The following NSUN2 variants were observed in gnomAD, a reference collection of about 807,000 sequenced individuals.
The protein encoded by NSUN2 is NOP2/Sun RNA methyltransferase 2.
In NSUN2, 63 loss-of-function variants were observed where a neutral mutation model predicts 92.7. The observed-to-expected ratio is 0.68, with a 90% CI of 0.56 to 0.84. The LOEUF is 0.84. Among genes scored for constraint, NSUN2 ranks in the 40% least tolerant of loss-of-function variants. The pLI, the probability that NSUN2 is intolerant of heterozygous loss-of-function variation, is 0.00. For missense variants in NSUN2, 989 were observed against 964.9 expected, an observed-to-expected ratio of 1.02 and a Z score of -0.33; for synonymous variants, 356 against 348.3, an observed-to-expected ratio of 1.02 and a Z score of -0.25.
chr5:6,599,776 G>A lies in NSUN2; in HGVS notation c.*150C>T. The A allele has an allele frequency of 2.9e-6, 2 of 689,892 alleles. No individual in the cohort carries two copies. Among genetic ancestry groups the A allele is most frequent in the Non-Finnish European group, 5.0e-6 (2 of 396,074 alleles). 42.7% of individuals were successfully genotyped at this position (689,892 alleles called of 1,614,324 possible). A position where few individuals can be genotyped will look rare whatever the true frequency, so the allele number is the denominator to read the frequency against. On this transcript the variant is annotated 3_prime_UTR_variant, in exon 19 of 19. Coordinates refer to ENST00000264670, the MANE Select transcript of NSUN2 (RefSeq NM_017755.6). ...CAAAGAAAGCAGTCCTGGTCATTCA[G>A]AAGGCTCCTATGATCCCACCAGTCT...
At chr5:6,630,950 C>A (rs1737860731) in intron 3 of NSUN2, among the ~76,000 whole-genome samples, 1 of 152,052 alleles carries the variant, frequency 6.6e-6, no homozygotes, top group East Asian at 1.9e-4. Context: ...AAAAATTGGC[C>A]GGGCGTGGTG....
chr5:6,629,413 G>A (rs536566774), intron 3 of NSUN2, among the ~76,000 whole-genome samples: 1 of 152,340 alleles, frequency 6.6e-6, no homozygotes, highest in Non-Finnish European at 1.5e-5. Flanking sequence ...GGAGCCTGCA[G>A]AAGAAAATGC....
At chr5:6,610,030 C>T (rs1269103894) in intron 11 of NSUN2, 108 bp from the exon 12 acceptor site, 8 of 761,334 alleles carry the variant, frequency 1.1e-5, no homozygotes, top group Non-Finnish European at 1.6e-5. Context: ...ATGTCTTCGA[C>T]CCTCACTCAT....
In NSUN2 at chr5:6,630,826, G is replaced by A. The variant is rs138265422; in HGVS notation, c.359+1047C>T. Among the ~76,000 whole-genome samples the A allele has an allele frequency of 5.5e-3, 841 of 152,308 alleles. 6 individuals are homozygous for A. Among genetic ancestry groups the A allele is most frequent in the African/African-American group, 0.018 (761 of 41,564 alleles). On this transcript the variant is annotated intron_variant, in intron 3 of 18. Coordinates refer to ENST00000264670, the MANE Select transcript of NSUN2 (RefSeq NM_017755.6). The stretch of plus-strand genomic sequence containing the variant: ...AACGCTTAATTTGGCAGGGCGCAGT[G>A]GCTCACGCCTGTAATCCCAGCACTT...
chr5:6,632,815 C>T (rs1053659149), intron 1 of NSUN2, 59 bp from the exon 2 acceptor site: 15 of 1,571,940 alleles, frequency 9.5e-6, no homozygotes, highest in Non-Finnish European at 1.2e-5. Context: ...TCGCCGCCGC[C>T]TCGCAGGCCT....
intron 14 of NSUN2, among the ~76,000 whole-genome samples, chr5:6,605,834 A>T (rs1371777762): frequency 6.0e-5 from 9 of 149,976 alleles, no homozygotes; most frequent in African/African-American, 2.2e-4. Flanking sequence ...AGCTGTGATT[A>T]TAGGTGCACG....
At chr5:6,630,855 G>C (rs149203395) in intron 3 of NSUN2, among the ~76,000 whole-genome samples, 7 of 152,204 alleles carry the variant, frequency 4.6e-5, no homozygotes, top group African/African-American at 1.2e-4. Context: ...AGCACTTTGG[G>C]AGGCCGAGGT....
intron 17 of NSUN2, chr5:6,603,792 G>A (rs1201663855): frequency 9.7e-6 from 2 of 205,680 alleles, no homozygotes; most frequent in Non-Finnish European, 1.9e-5. Flanking sequence ...CTGGCTGGGA[G>A]GCTTGCCAGG....
intron 3 of NSUN2, among the ~76,000 whole-genome samples, chr5:6,631,672 C>G (rs554165680): frequency 6.6e-6 from 1 of 152,298 alleles, no homozygotes; most frequent in South Asian, 2.1e-4. Flanking sequence ...ATCAGTGACT[C>G]ATAAAGCTGC....
intron 12 of NSUN2, among the ~76,000 whole-genome samples, chr5:6,609,387 G>A (rs1248156624): frequency 6.6e-6 from 1 of 152,146 alleles, no homozygotes; most frequent in Non-Finnish European, 1.5e-5. Flanking sequence ...TTCTAGCCAG[G>A]TCTGGACAAG....
In NSUN2 at chr5:6,602,515, GAC is replaced by G; in HGVS notation, c.1958-17_1958-16del. The G allele has an allele frequency of 6.2e-7, 1 of 1,614,192 alleles. No homozygotes were observed. Among genetic ancestry groups the G allele is most frequent in the East Asian group, 2.2e-5 (1 of 44,894 alleles). ...GCTTCCCTTTGCTGGAAAAGAAACA[GAC>G]ACACATTTGCCAGGTTTTCCAGGTA... On this transcript the variant is annotated splice_polypyrimidine_tract_variant and intron_variant, in intron 17 of 18. Coordinates refer to ENST00000264670, the MANE Select transcript of NSUN2 (RefSeq NM_017755.6).
At chr5:6,604,363 C>T (rs1022477952) in intron 16 of NSUN2, 87 bp from the exon 17 acceptor site, 17 of 1,276,212 alleles carry the variant, frequency 1.3e-5, no homozygotes, top group South Asian at 1.2e-4. Flanking sequence ...ATGCTCTTAG[C>T]GGCTATGGTG....
intron 13 of NSUN2, 46 bp downstream of exon 13, chr5:6,607,154 G>A (rs1397368775): frequency 1.3e-6 from 2 of 1,586,462 alleles, no homozygotes; most frequent in East Asian, 2.2e-5. Flanking sequence ...CAAAAGGACT[G>A]TGAAGACACC....
In NSUN2 at chr5:6,603,488, G is replaced by A. The variant is rs1455975248; in HGVS notation, c.1957+650C>T. ...AGGCAGATCACAAGGTCAGGAGATT[G>A]AGACCATCCTGGCTAACACGGTGAA... On this transcript the variant is annotated intron_variant, in intron 17 of 18. Transcript: ENST00000264670. Among the ~76,000 whole-genome samples the A allele has an allele frequency of 2.0e-5, 3 of 152,288 alleles. No individual in the cohort carries two copies. In the East Asian group the frequency reaches 5.8e-4, roughly 29 times the overall value.
Position 6,604,123 on chromosome 5 carries a change from T to C in NSUN2, c.1957+15A>G. ...GGAATACAAGTTATGTCTCTATGCA[T>C]TTCCAACTACTCACCCAGGTCCTTT... On this transcript the variant is annotated intron_variant, in intron 17 of 18. Transcript: ENST00000264670. The C allele has an allele frequency of 6.2e-7, 1 of 1,609,706 alleles. No individual in the cohort carries two copies. The highest frequency in any genetic ancestry group is 1.3e-5 in the African/African-American group (1 of 74,768).
In NSUN2 at chr5:6,602,467, T is replaced by C; in HGVS notation, c.1991A>G (p.Asp664Gly). ...AGGGCGTGTACTGACTTACGCAGAATCTGGTTCATACTTCAGCACGATGCT... is the reference window on the plus strand; with the variant it reads ...AGGGCGTGTACTGACTTACGCAGAACCTGGTTCATACTTCAGCACGATGCT... ...KGSIVLKYEP[D>G]SANPDALQCP... The change falls in exon 18 of 19, where the codon GAT (aspartate) becomes GGT (glycine). Residue 664 changes from aspartate (D) to glycine (G), a missense_variant. This residue lies in a region of NSUN2 where 626 missense variants were observed against 602.3 expected (regional missense o/e 1.04). Transcript: ENST00000264670. 1 of 1,614,188 alleles carries C rather than the reference T, an allele frequency of 6.2e-7. No individual in the cohort carries two copies. The highest frequency in any genetic ancestry group is 8.5e-7 in the Non-Finnish European group (1 of 1,180,008).
At chr5:6,607,571 A>C (rs1039758509) in intron 12 of NSUN2, among the ~76,000 whole-genome samples, 187 bp from the exon 13 acceptor site, 2 of 152,252 alleles carry the variant, frequency 1.3e-5, no homozygotes, top group Non-Finnish European at 2.9e-5. Flanking sequence ...AACAAAATTC[A>C]TGGACAGTTT....
At chr5:6,623,044 G>GAAAAAAAA (rs111573762) in intron 5 of NSUN2, among the ~76,000 whole-genome samples, 170 bp downstream of exon 5, 46 of 72,842 alleles carry the variant, frequency 6.3e-4, no homozygotes, top group East Asian at 1.1e-3. Flanking sequence ...GGACAAAAAA[G>GAAAAAAAA]AAAAAAAAAA....
Position 6,625,638 on chromosome 5 carries a change from A to G in NSUN2, c.391T>C (p.Leu131=). 6.2e-7 allele frequency: 1 copy of G among 1,614,210 alleles called. No individual in the cohort carries two copies. Residue 131 remains leucine (L), a synonymous_variant, in exon 4 of 19, where the codon TTA becomes CTA. Coordinates refer to ENST00000264670, the MANE Select transcript of NSUN2 (RefSeq NM_017755.6). ...GATTTTCTCAAGATTTTTCGACTTAAATTTGTGTGCCAGGCAAGTTCTTCA... is the reference window on the plus strand; with the variant it reads ...GATTTTCTCAAGATTTTTCGACTTAGATTTGTGTGCCAGGCAAGTTCTTCA... ...YPEELAWHTN[L]SRKILRKSPH... is the part of the protein sequence containing the mutation.
Sources: allele counts gnomAD v4.1 joint callset (sites outside exome capture counted in the v4.1 genomes callset), GRCh38; gene constraint gnomAD v4.1.1; regional missense constraint gnomAD v4.1.1; transcripts MANE v1.5; gene names NCBI Gene and HGNC (gene_info 2026-07-23, HGNC 2026-07-21).